PCDHGB1: variants seen among roughly 807,000 people sequenced by gnomAD.
The protein encoded by PCDHGB1 is protocadherin gamma-B1.
In PCDHGB1, 34 loss-of-function variants were observed where a neutral mutation model predicts 56.6. That is an observed-to-expected ratio of 0.60 (90% CI 0.46 to 0.80). The LOEUF (loss-of-function observed/expected upper bound fraction) is 0.80, where lower values mean the gene tolerates loss of function less well. Ranked by LOEUF, PCDHGB1 falls within the 30% of genes least tolerant of loss-of-function variation. The pLI, the probability that PCDHGB1 is intolerant of heterozygous loss-of-function variation, is 0.00. For synonymous variants in PCDHGB1, 561 were observed against 505.9 expected, an observed-to-expected ratio of 1.11 and a Z score of -1.46; for missense variants, 1,278 against 1,204.6, an observed-to-expected ratio of 1.06 and a Z score of -0.90.
At position 141,384,946 on chromosome 5, in the gene PCDHGB1, G is replaced by A. The variant is rs749521895; in HGVS notation, c.2409+32277G>A. The A allele has an allele frequency of 1.2e-5, 19 of 1,613,924 alleles. No individual in the cohort carries two copies. Among genetic ancestry groups the A allele is most frequent in the Non-Finnish European group, 1.4e-5 (17 of 1,180,030 alleles). On this transcript the variant is annotated intron_variant, in intron 1 of 3. Transcript: ENST00000523390. ...CCTGGGCAGCCTTGAGCCCTCCGACGGTCCTTACAACTATGACCTCACGTT... is the reference window on the plus strand; with the variant it reads ...CCTGGGCAGCCTTGAGCCCTCCGACAGTCCTTACAACTATGACCTCACGTT...
chr5:141,405,858 T>C (rs2094727577), intron 1 of PCDHGB1, among the ~76,000 whole-genome samples: 1 of 152,200 alleles, frequency 6.6e-6, no homozygotes, highest in Non-Finnish European at 1.5e-5. Flanking sequence ...GTGTTTCTCA[T>C]CACTTTTCAC....
intron 1 of PCDHGB1, chr5:141,366,049 G>C (rs542025009): frequency 1.2e-6 from 2 of 1,614,126 alleles, no homozygotes; most frequent in Non-Finnish European, 1.7e-6. Flanking sequence ...ACGGTTCCAC[G>C]GGCGTGGAGC....
chr5:141,374,169 C>A, intron 1 of PCDHGB1: 1 of 1,613,236 alleles, frequency 6.2e-7, no homozygotes, highest in African/African-American at 1.3e-5. Context: ...GCCGCGGCAG[C>A]GCAGATCCGC....
intron 3 of PCDHGB1, 67 bp from the exon 4 acceptor site, chr5:141,510,880 G>A (rs373993657): frequency 1.9e-6 from 3 of 1,611,784 alleles, no homozygotes; most frequent in Admixed American, 3.3e-5. Context: ...AACTGCTGGG[G>A]ATATAAGACA....
At chr5:141,510,169 A>G (rs927072830) in intron 3 of PCDHGB1, among the ~76,000 whole-genome samples, 7 of 151,230 alleles carry the variant, frequency 4.6e-5, no homozygotes, top group Non-Finnish European at 1.0e-4. Context: ...GCTACTCAGG[A>G]GGTTGAGGCA....
At chr5:141,359,574 T>C (rs1001911396) in intron 1 of PCDHGB1, among the ~76,000 whole-genome samples, 1 of 151,702 alleles carries the variant, frequency 6.6e-6, no homozygotes, top group African/African-American at 2.4e-5. Context: ...GATATGATCT[T>C]TAAGATATAA....
intron 1 of PCDHGB1, chr5:141,393,413 G>C: frequency 6.2e-7 from 1 of 1,614,046 alleles, no homozygotes; most frequent in Non-Finnish European, 8.5e-7. Flanking sequence ...AGCGCGCCCT[G>C]GACAGGGAGG....
intron 1 of PCDHGB1, chr5:141,421,585 G>A: frequency 1.2e-6 from 2 of 1,613,916 alleles, no homozygotes; most frequent in Non-Finnish European, 1.7e-6. Context: ...GATTTACGGA[G>A]TGGAGGTGGA....
chr5:141,494,785 T>G, intron 1 of PCDHGB1, 22 bp from the exon 2 acceptor site: 1 of 1,614,016 alleles, frequency 6.2e-7, no homozygotes, highest in Non-Finnish European at 8.5e-7. Flanking sequence ...ACTCAGCCCC[T>G]TTCCCTCTGT....
chr5:141,499,634 C>A (rs1194596079), intron 2 of PCDHGB1, among the ~76,000 whole-genome samples: 1 of 151,220 alleles, frequency 6.6e-6, no homozygotes, highest in Non-Finnish European at 1.5e-5. Flanking sequence ...TCTTTTGAAG[C>A]AAATCTCAGA....
intron 1 of PCDHGB1, chr5:141,360,343 G>A (rs1761549826): frequency 6.2e-7 from 1 of 1,613,806 alleles, no homozygotes; most frequent in African/African-American, 1.3e-5. Flanking sequence ...GCGGGTTAGC[G>A]CGGAGAAGGA....
Position 141,350,950 on chromosome 5 carries a change from G to C in PCDHGB1, c.690G>C (p.Thr230=), listed in dbSNP as rs781241590. The C allele has an allele frequency of 6.2e-7, 1 of 1,613,932 alleles. No individual in the cohort carries two copies. Among genetic ancestry groups the C allele is most frequent in the Non-Finnish European group, 8.5e-7 (1 of 1,179,896 alleles). Residue 230 remains threonine (T), a synonymous_variant, in exon 1 of 4, where the codon ACG becomes ACC. Transcript: ENST00000523390. ...SGTTHIWIRV[T]DANDNAPVFS... Reference sequence around the variant, plus strand: ...CCACCCATATCTGGATCCGAGTTACGGATGCCAATGATAATGCTCCCGTGT... The same window carrying C: ...CCACCCATATCTGGATCCGAGTTACCGATGCCAATGATAATGCTCCCGTGT...
At chr5:141,404,360 TC>T (rs780435528) in intron 1 of PCDHGB1, 1 of 1,613,900 alleles carries the variant, frequency 6.2e-7, no homozygotes. Context: ...CAGAGGTACT[TC>T]CATCTTCTCC....
At chr5:141,400,456 T>C (rs1439726103) in intron 1 of PCDHGB1, 2 of 1,614,090 alleles carry the variant, frequency 1.2e-6, no homozygotes, top group Non-Finnish European at 1.7e-6. Flanking sequence ...AGACATACTT[T>C]GTGGTGATTC....
At chr5:141,467,005 G>A (rs1365805332) in intron 1 of PCDHGB1, among the ~76,000 whole-genome samples, 3 of 150,724 alleles carry the variant, frequency 2.0e-5, no homozygotes, top group Non-Finnish European at 4.4e-5. Flanking sequence ...TTTTTGCAAT[G>A]CAATTTTTTT....
At chr5:141,422,871 G>C in intron 1 of PCDHGB1, 3 of 1,614,216 alleles carry the variant, frequency 1.9e-6, no homozygotes, top group South Asian at 1.1e-5. Flanking sequence ...GCAACGTGTC[G>C]CTGAGCCTGT....
intron 1 of PCDHGB1, chr5:141,399,761 G>C: frequency 1.2e-6 from 2 of 1,613,356 alleles, no homozygotes; most frequent in Non-Finnish European, 1.7e-6. Flanking sequence ...GTGAGCCTGC[G>C]CGTGTTGGTG....
intron 1 of PCDHGB1, chr5:141,393,859 T>A (rs1348760722): frequency 1.9e-6 from 3 of 1,613,994 alleles, no homozygotes; most frequent in Non-Finnish European, 2.5e-6. Flanking sequence ...GAAGTGATCA[T>A]TACGTCTTTG....
chr5:141,362,776 G>C (rs1407810350), intron 1 of PCDHGB1: 1 of 601,614 alleles, frequency 1.7e-6, no homozygotes, highest in Non-Finnish European at 2.8e-6. Flanking sequence ...ATATTGCACT[G>C]TATTTCTTTT....
Sources: gnomAD v4.1 joint callset for allele counts (sites outside exome capture counted in the v4.1 genomes callset) on GRCh38, gnomAD v4.1.1 for gene constraint, MANE v1.5 for transcripts, NCBI Gene and HGNC (gene_info 2026-07-23, HGNC 2026-07-21) for gene names.